Variants in ALDH1A2 observed in about 807,000 individuals in gnomAD.
ALDH1A2 encodes retinal dehydrogenase 2.
Under a neutral mutation model 60.3 loss-of-function variants are expected in ALDH1A2, and 27 were observed. The observed-to-expected ratio is 0.45, with a 90% CI of 0.33 to 0.62. ALDH1A2 has a LOEUF of 0.62. ALDH1A2 is among the 20% of genes least tolerant of loss of function. ALDH1A2 has a pLI of 0.02. For synonymous variants in ALDH1A2, 289 were observed against 232.4 expected (o/e 1.24, Z -2.21); for missense variants, 581 against 643.8 (o/e 0.90, Z 1.06).
chr15:57,956,959 G>A (rs187233857), intron 12 of ALDH1A2, among the ~76,000 whole-genome samples: 3 of 152,132 alleles, frequency 2.0e-5, no homozygotes, highest in Non-Finnish European at 4.4e-5. Context: ...CTACCGTTTG[G>A]GTGTGTGATG....
chr15:57,964,130 C>G (rs1893820027), intron 8 of ALDH1A2, 61 bp from the exon 9 acceptor site: 11 of 1,575,172 alleles, frequency 7.0e-6, no homozygotes, highest in Admixed American at 1.7e-5. Context: ...GTCTATGAAG[C>G]CGCCTCCCTC....
rs540539381 is a variant in ALDH1A2 at position 58,029,893 on chromosome 15, T to C, written c.118-15612A>G. On this transcript the variant is annotated intron_variant, in intron 1 of 12. Coordinates refer to ENST00000249750, the MANE Select transcript of ALDH1A2 (RefSeq NM_003888.4). ...ATCAGTTCTGAAATTGAGGCAATAA[T>C]AGCCTACCAACCAAAAAGTCCAGGA... Among the ~76,000 whole-genome samples the C allele has an allele frequency of 1.7e-4, 26 of 152,258 alleles. No individual in the cohort carries two copies. In the South Asian group the frequency reaches 5.4e-3, roughly 32 times the overall value.
At chr15:58,058,039 C>G (rs1295990119) in intron 1 of ALDH1A2, 1 of 1,520,590 alleles carries the variant, frequency 6.6e-7, no homozygotes. Context: ...GGGATTTTAA[C>G]CAAACAGTCT....
chr15:58,038,812 C>T (rs1333285840), intron 1 of ALDH1A2, among the ~76,000 whole-genome samples: 3 of 151,720 alleles, frequency 2.0e-5, no homozygotes, highest in Admixed American at 1.3e-4. Flanking sequence ...CAAGGTAATG[C>T]CTATACAAGC....
chr15:57,991,411 C>A (rs1262308668), intron 7 of ALDH1A2: 1 of 152,144 alleles, frequency 6.6e-6, no homozygotes, highest in South Asian at 2.1e-4. Context: ...ACTCAGTAAT[C>A]TAACTGAATT....
intron 1 of ALDH1A2, among the ~76,000 whole-genome samples, chr15:58,022,775 TAG>T (rs1566951942): frequency 6.6e-6 from 1 of 152,032 alleles, no homozygotes; most frequent in Non-Finnish European, 1.5e-5. Flanking sequence ...AGAAATCATA[TAG>T]AGACTACACC....
At chr15:57,982,941 C>G (rs903518188) in intron 7 of ALDH1A2, among the ~76,000 whole-genome samples, 7 of 152,136 alleles carry the variant, frequency 4.6e-5, no homozygotes, top group African/African-American at 1.7e-4. Flanking sequence ...CCTAGGAAAT[C>G]AGACACACAC....
chr15:58,024,127 T>C (rs562262074), intron 1 of ALDH1A2, among the ~76,000 whole-genome samples: 3 of 151,714 alleles, frequency 2.0e-5, no homozygotes, highest in South Asian at 4.1e-4. Context: ...CTCTGAAATA[T>C]GGAAGTATAA....
intron 3 of ALDH1A2, among the ~76,000 whole-genome samples, chr15:58,012,549 G>C (rs866336411): frequency 1.3e-5 from 2 of 152,180 alleles, no homozygotes; most frequent in Non-Finnish European, 2.9e-5. Flanking sequence ...CCAGTGTCTT[G>C]TGAATCTGCA....
intron 9 of ALDH1A2, 121 bp from the exon 10 acceptor site, chr15:57,962,297 C>T: frequency 8.2e-7 from 1 of 1,217,374 alleles, no homozygotes; most frequent in Non-Finnish European, 1.2e-6. Flanking sequence ...CCAGTCAGAT[C>T]ATATAAAACT....
intron 7 of ALDH1A2, among the ~76,000 whole-genome samples, chr15:57,984,377 T>C (rs536058832): frequency 1.3e-5 from 2 of 152,252 alleles, no homozygotes; most frequent in Non-Finnish European, 1.5e-5. Flanking sequence ...GCTTGAGATA[T>C]AACTCATATA....
chr15:58,001,200 G>A (rs1479881708), intron 4 of ALDH1A2, among the ~76,000 whole-genome samples: 8 of 151,978 alleles, frequency 5.3e-5, no homozygotes, highest in African/African-American at 1.7e-4. Context: ...GAGAGGTTAA[G>A]TCCAAAGTGG....
At chr15:57,977,137 G>A (rs1894287085) in intron 7 of ALDH1A2, among the ~76,000 whole-genome samples, 1 of 151,168 alleles carries the variant, frequency 6.6e-6, no homozygotes, top group Non-Finnish European at 1.5e-5. Flanking sequence ...GTTCCTTGTA[G>A]AGTCTGGATA....
chr15:57,977,560 C>T (rs1402899459), intron 7 of ALDH1A2, among the ~76,000 whole-genome samples: 5 of 152,118 alleles, frequency 3.3e-5, no homozygotes, highest in Non-Finnish European at 5.9e-5. Flanking sequence ...TGTTCTGTTC[C>T]ATTGGTCTAT....
intron 1 of ALDH1A2, among the ~76,000 whole-genome samples, chr15:58,051,855 G>A (rs1896785305): frequency 6.6e-6 from 1 of 152,182 alleles, no homozygotes; most frequent in East Asian, 1.9e-4. Context: ...GTAAGCTTCT[G>A]ACAAGTTCCC....
At chr15:57,966,339 A>G (rs951823089) in intron 7 of ALDH1A2, among the ~76,000 whole-genome samples, 2 of 152,226 alleles carry the variant, frequency 1.3e-5, no homozygotes, top group Non-Finnish European at 2.9e-5. Context: ...GTAAAAGGAT[A>G]CCAGACAGTT....
chr15:57,983,081 C>A (rs1894569954), intron 7 of ALDH1A2, among the ~76,000 whole-genome samples: 1 of 151,726 alleles, frequency 6.6e-6, no homozygotes, highest in Admixed American at 6.6e-5. Flanking sequence ...ACACTGAATT[C>A]AAAAAAAATC....
chr15:57,972,748 G>A (rs1596073210), intron 7 of ALDH1A2, among the ~76,000 whole-genome samples: 1 of 152,066 alleles, frequency 6.6e-6, no homozygotes, highest in African/African-American at 2.4e-5. Context: ...ACATGAAACT[G>A]GTTTTTTCAA....
chr15:58,063,269 GA>G (rs1176481068), intron 1 of ALDH1A2, among the ~76,000 whole-genome samples: 4 of 152,156 alleles, frequency 2.6e-5, no homozygotes, highest in African/African-American at 9.7e-5. Flanking sequence ...ATCATTTTCT[GA>G]TGCAAATATT....
Sources: gnomAD v4.1 joint callset for allele counts (sites outside exome capture counted in the v4.1 genomes callset) on GRCh38, gnomAD v4.1.1 for gene constraint, MANE v1.5 for transcripts, NCBI Gene and HGNC (gene_info 2026-07-23, HGNC 2026-07-21) for gene names.